OPCML: variants seen among roughly 807,000 people sequenced by gnomAD.
OPCML encodes opioid binding protein/cell adhesion molecule like, also known as opioid-binding protein/cell adhesion molecule.
A neutral mutation model predicts 37.8 loss-of-function variants in OPCML; 13 were observed. The observed-to-expected ratio is 0.34, with a 90% CI of 0.22 to 0.55. OPCML has a LOEUF of 0.55. Among genes scored for constraint, OPCML ranks in the 20% least tolerant of loss-of-function variants. The pLI is 0.91. For missense variants in OPCML, 341 were observed against 435.6 expected (o/e 0.78, Z 1.93); for synonymous variants, 176 against 168.8 (o/e 1.04, Z -0.33).
chr11:132,998,799 A>G (rs987741457), intron 1 of OPCML, among the ~76,000 whole-genome samples: 1 of 152,174 alleles, frequency 6.6e-6, no homozygotes, highest in Non-Finnish European at 1.5e-5. Flanking sequence ...TAGTGACAAA[A>G]TGCCATCTAT....
intron 2 of OPCML, among the ~76,000 whole-genome samples, chr11:132,686,247 C>G (rs1239750902): frequency 6.6e-6 from 1 of 152,120 alleles, no homozygotes; most frequent in African/African-American, 2.4e-5. Context: ...CATGACAATC[C>G]CAAATACAAC....
At chr11:133,118,258 G>A (rs1043393307) in intron 1 of OPCML, 26 of 985,238 alleles carry the variant, frequency 2.6e-5, no homozygotes, top group Admixed American at 6.2e-5. Context: ...GTCTGTCCTG[G>A]GCTTTGTTCA....
intron 1 of OPCML, among the ~76,000 whole-genome samples, chr11:133,201,303 T>TG (rs1938776503): frequency 1.4e-5 from 1 of 72,936 alleles, no homozygotes; most frequent in Admixed American, 1.3e-4. Flanking sequence ...AAACAATGCA[T>TG]GCTTTTTTTT....
intron 1 of OPCML, among the ~76,000 whole-genome samples, chr11:133,045,241 C>T (rs1222560739): frequency 2.6e-5 from 4 of 152,300 alleles, no homozygotes; most frequent in East Asian, 3.9e-4. Flanking sequence ...ATTCATGTCA[C>T]ATCGTTATTT....
intron 4 of OPCML, among the ~76,000 whole-genome samples, chr11:132,446,103 CTTTTTTT>C (rs58784534): frequency 7.6e-4 from 37 of 48,516 alleles, no homozygotes; most frequent in African/African-American, 3.1e-3. Context: ...CTGCTTGTGT[CTTTTTTT>C]TTTTTTTTTT....
chr11:132,580,147 C>A (rs970818736), intron 3 of OPCML, among the ~76,000 whole-genome samples: 1 of 152,182 alleles, frequency 6.6e-6, no homozygotes, highest in African/African-American at 2.4e-5. Context: ...GTCTTTCTAA[C>A]GCTGTGTTTT....
At chr11:133,345,817 C>T (rs369635447) in intron 1 of OPCML, among the ~76,000 whole-genome samples, 257 of 152,286 alleles carry the variant, frequency 1.7e-3, no homozygotes, top group African/African-American at 5.8e-3. Flanking sequence ...TGACATTTCA[C>T]ACTGTAACAT....
At chr11:132,464,289 TC>T in intron 4 of OPCML, among the ~76,000 whole-genome samples, 1 of 152,274 alleles carries the variant, frequency 6.6e-6, no homozygotes, top group South Asian at 2.1e-4. Context: ...TCACAAATAT[TC>T]CCCACCCCAG....
At chr11:133,213,517 A>G (rs1472577755) in intron 1 of OPCML, among the ~76,000 whole-genome samples, 2 of 152,174 alleles carry the variant, frequency 1.3e-5, no homozygotes, top group Non-Finnish European at 2.9e-5. Context: ...AATGTAGCAA[A>G]TGGAGGGGCT....
chr11:132,521,286 C>A (rs1465119778), intron 4 of OPCML, among the ~76,000 whole-genome samples: 1 of 152,054 alleles, frequency 6.6e-6, no homozygotes, highest in South Asian at 2.1e-4. Context: ...TGATCTTTGT[C>A]AGATGAGTAG....
intron 2 of OPCML, among the ~76,000 whole-genome samples, chr11:132,784,904 C>A (rs759669713): frequency 3.3e-5 from 5 of 152,134 alleles, no homozygotes; most frequent in African/African-American, 4.8e-5. Context: ...GTCTGCAGAA[C>A]CATGAGTCAA....
intron 2 of OPCML, among the ~76,000 whole-genome samples, chr11:132,811,213 G>T (rs975814204): frequency 6.6e-6 from 1 of 152,112 alleles, no homozygotes; most frequent in Non-Finnish European, 1.5e-5. Context: ...TCGTCTCTAG[G>T]TTGGGAAACA....
intron 2 of OPCML, among the ~76,000 whole-genome samples, chr11:132,665,123 G>A (rs987903870): frequency 6.6e-6 from 1 of 152,140 alleles, no homozygotes; most frequent in Admixed American, 6.5e-5. Flanking sequence ...GGAGCGGGAG[G>A]GGAGGTTATG....
chr11:132,791,275 C>T (rs1312115609), intron 2 of OPCML, among the ~76,000 whole-genome samples: 1 of 152,184 alleles, frequency 6.6e-6, no homozygotes, highest in Non-Finnish European at 1.5e-5. Context: ...GTTTTCCCTG[C>T]ACTATTTACT....
intron 1 of OPCML, among the ~76,000 whole-genome samples, chr11:133,350,079 A>C (rs569937169): frequency 6.6e-6 from 1 of 152,306 alleles, no homozygotes; most frequent in South Asian, 2.1e-4. Context: ...TAGAAAAGCC[A>C]ACCTGCTGTT....
chr11:133,512,610 C>G (rs1246892204), intron 1 of OPCML, among the ~76,000 whole-genome samples: 1 of 152,212 alleles, frequency 6.6e-6, no homozygotes, highest in East Asian at 1.9e-4. Context: ...TCCCAACCTT[C>G]CAATCACATG....
At chr11:133,164,192 C>G (rs1950180038) in intron 1 of OPCML, among the ~76,000 whole-genome samples, 1 of 152,222 alleles carries the variant, frequency 6.6e-6, no homozygotes. Flanking sequence ...CCCTTGCCTG[C>G]AGCTTCTGTG....
chr11:133,504,708 A>T (rs1947989383), intron 1 of OPCML, among the ~76,000 whole-genome samples: 1 of 152,220 alleles, frequency 6.6e-6, no homozygotes, highest in African/African-American at 2.4e-5. Context: ...GAGCTAGCAG[A>T]TAACAAGGGA....
chr11:133,250,999 C>T (rs765305555), intron 1 of OPCML, among the ~76,000 whole-genome samples: 6 of 152,054 alleles, frequency 3.9e-5, no homozygotes, highest in Non-Finnish European at 7.4e-5. Flanking sequence ...TGAAGGACTC[C>T]GGCATGCTGA....
Sources: gnomAD v4.1 joint callset for allele counts (sites outside exome capture counted in the v4.1 genomes callset) on GRCh38, gnomAD v4.1.1 for gene constraint, MANE v1.5 for transcripts, NCBI Gene and HGNC (gene_info 2026-07-23, HGNC 2026-07-21) for gene names.